ATP13A4: variants seen among roughly 807,000 people sequenced by gnomAD.
The protein encoded by ATP13A4 is ATPase 13A4.
Under a neutral mutation model 142.5 loss-of-function variants are expected in ATP13A4, and 114 were observed. The observed-to-expected ratio is 0.80, with a 90% CI of 0.69 to 0.93. The LOEUF is 0.93. Ranked by LOEUF, ATP13A4 falls within the 40% of genes least tolerant of loss-of-function variation. The pLI, the probability that ATP13A4 is intolerant of heterozygous loss-of-function variation, is 0.00. For missense variants in ATP13A4, 1,392 were observed against 1,454.0 expected (o/e 0.96, Z 0.69); for synonymous variants, 488 against 514.8 (o/e 0.95, Z 0.70).
Position 193,564,119 on chromosome 3 carries a change from C to T in ATP13A4, n.291+17588G>A, listed in dbSNP as rs878980836. 5.3e-5 allele frequency among the ~76,000 whole-genome samples: 8 copies of T among 152,328 alleles called. 1 individual carries two copies. The highest frequency in any genetic ancestry group is 5.2e-4 in the Admixed American group (8 of 15,292). ...CTCGAAGAGTATCAGCCTATCAGAA[C>T]AAGAGCATTCAGAAAAGGCCTGGCT... On this transcript the variant is annotated intron_variant and non_coding_transcript_variant, in intron 2 of 3. Coordinates refer to the ATP13A4 transcript ENST00000489140.
chr3:193,512,029 C>A lies in ATP13A4; in HGVS notation c.234+2669G>T, dbSNP rs929766571. Among the ~76,000 whole-genome samples the A allele has an allele frequency of 3.9e-5, 6 of 152,148 alleles. No homozygotes were observed. In the East Asian group the frequency reaches 1.2e-3, roughly 29 times the overall value. Reference sequence around the variant, plus strand: ...CCATTTCCTCTTATTCTTGTCTGTGCCATAACTCTGCCAGCACCTCAGAGA... The same window carrying A: ...CCATTTCCTCTTATTCTTGTCTGTGACATAACTCTGCCAGCACCTCAGAGA... On this transcript the variant is annotated intron_variant, in intron 2 of 29. Coordinates refer to ENST00000342695, the MANE Select transcript of ATP13A4 (RefSeq NM_032279.4).
rs761281024 is a variant in ATP13A4, at chr3:193,514,821, G to A, written c.111C>T (p.Ala37=). The A allele has an allele frequency of 7.2e-5, 116 of 1,614,184 alleles. No individual in the cohort carries two copies. The highest frequency in any genetic ancestry group is 4.5e-4 in the South Asian group (41 of 91,086). Residue 37 remains alanine, a synonymous_variant, in exon 2 of 30, where the codon GCC becomes GCT. Transcript: ENST00000342695. Reference sequence around the variant, plus strand: ...GGATTCCAAATGAGAAGATGGATCCGGCAAGGCAGAGACTTTTCCGGCAGC... The same window carrying A: ...GGATTCCAAATGAGAAGATGGATCCAGCAAGGCAGAGACTTTTCCGGCAGC... ...TQGCRKSLCL[A]GSIFSFGILP... is the part of the protein sequence containing the mutation.
At chr3:193,563,037 G>A (rs1221039137) in intron 2 of ATP13A4, among the ~76,000 whole-genome samples, 1 of 151,884 alleles carries the variant, frequency 6.6e-6, no homozygotes, top group East Asian at 1.9e-4. Flanking sequence ...ATTGTTGGAA[G>A]AACAAATAAG....
intron 25 of ATP13A4, among the ~76,000 whole-genome samples, chr3:193,417,656 A>T (rs1560173056): frequency 6.6e-6 from 1 of 152,228 alleles, no homozygotes; most frequent in South Asian, 2.1e-4. Context: ...ACTGCTTTCA[A>T]CAGTGTGCTG....
rs114052353 is a variant in ATP13A4 at position 193,589,482 on chromosome 3, T to C, written n.91+3539A>G. ...AACTTATGAAATCAATTTTAAACAT[T>C]TCCATTTCCATTAACATCTCTCATT... On this transcript the variant is annotated intron_variant and non_coding_transcript_variant, in intron 1 of 3. Transcript: ENST00000489140. 1.7e-3 allele frequency among the ~76,000 whole-genome samples: 258 copies of C among 152,350 alleles called. 1 individual carries two copies. Among genetic ancestry groups the C allele is most frequent in the African/African-American group, 6.1e-3 (253 of 41,580 alleles).
At chr3:193,512,149 C>T (rs753983811) in intron 2 of ATP13A4, among the ~76,000 whole-genome samples, 18 of 152,132 alleles carry the variant, frequency 1.2e-4, no homozygotes, top group Non-Finnish European at 2.1e-4. Flanking sequence ...GTAGCAAAAG[C>T]GTTACCCTCT....
chr3:193,526,938 C>A (rs540884955), intron 1 of ATP13A4, among the ~76,000 whole-genome samples: 1 of 151,856 alleles, frequency 6.6e-6, no homozygotes, highest in Non-Finnish European at 1.5e-5. Context: ...ATTTTTGTGG[C>A]ACTTCAAAAA....
chr3:193,451,443 G>A (rs1180774233), intron 17 of ATP13A4, among the ~76,000 whole-genome samples: 1 of 152,170 alleles, frequency 6.6e-6, no homozygotes, highest in African/African-American at 2.4e-5. Flanking sequence ...CTTGCTGTGT[G>A]AGCATGACTA....
At chr3:193,514,517 A>G (rs1477860460) in intron 2 of ATP13A4, among the ~76,000 whole-genome samples, 181 bp downstream of exon 2, 1 of 150,530 alleles carries the variant, frequency 6.6e-6, no homozygotes, top group Non-Finnish European at 1.5e-5. Context: ...TGTCTTTGCT[A>G]TTGACCATAC....
At chr3:193,413,337 T>C (rs201681939) in intron 26 of ATP13A4, among the ~76,000 whole-genome samples, 18 of 152,168 alleles carry the variant, frequency 1.2e-4, no homozygotes, top group Non-Finnish European at 2.4e-4. Flanking sequence ...AGGACCACTA[T>C]TGTACAAATT....
In ATP13A4 at chr3:193,402,842, G is replaced by A; in HGVS notation, c.3401C>T (p.Ala1134Val). ...ACATCTTTTAATCATCATCCACAGG[G>A]CTCGATTTTCAATAACAGCCTCCTG... ...VAEEAVIENR[A>V]LWMMIKRCFG... Residue 1134 changes from alanine (A) to valine (V), a missense_variant, in exon 30 of 30, where the codon GCC becomes GTC. Transcript: ENST00000342695. The A allele has an allele frequency of 3.1e-6, 5 of 1,614,008 alleles. No homozygotes were observed. Among genetic ancestry groups the A allele is most frequent in the Non-Finnish European group, 4.2e-6 (5 of 1,179,976 alleles).
intron 7 of ATP13A4, among the ~76,000 whole-genome samples, chr3:193,489,253 T>C (rs1208113524): frequency 6.6e-6 from 1 of 152,058 alleles, no homozygotes; most frequent in African/African-American, 2.4e-5. Flanking sequence ...CTGTTCTATG[T>C]AATTTTTTTT....
At chr3:193,574,217 T>C (rs1454546848) in intron 2 of ATP13A4, among the ~76,000 whole-genome samples, 2 of 152,246 alleles carry the variant, frequency 1.3e-5, no homozygotes, top group Non-Finnish European at 2.9e-5. Context: ...ACAGATAAGA[T>C]GTCTGCCTCC....
At chr3:193,502,170 T>A (rs79710441) in intron 3 of ATP13A4, among the ~76,000 whole-genome samples, 1 of 152,198 alleles carries the variant, frequency 6.6e-6, no homozygotes, top group Non-Finnish European at 1.5e-5. Flanking sequence ...AGAGCGAGTA[T>A]GTATTGAGCA....
chr3:193,488,979 G>A (rs546273260), intron 7 of ATP13A4, among the ~76,000 whole-genome samples: 16 of 152,258 alleles, frequency 1.1e-4, no homozygotes, highest in Non-Finnish European at 2.1e-4. Flanking sequence ...GGAGGGGGCT[G>A]CGGAGATGAG....
chr3:193,480,601 C>T (rs543542029), intron 8 of ATP13A4, among the ~76,000 whole-genome samples: 7 of 151,976 alleles, frequency 4.6e-5, no homozygotes, highest in East Asian at 3.9e-4. Context: ...CCTGCAAGAA[C>T]GGCCATAATC....
At chr3:193,403,656 G>A in intron 29 of ATP13A4, 1 of 678,494 alleles carries the variant, frequency 1.5e-6, no homozygotes, top group Non-Finnish European at 1.8e-6. Flanking sequence ...AAAACATTTT[G>A]CAATGCCATT....
Position 193,401,523 on chromosome 3 carries a change from T to C in ATP13A4, c.*1129A>G, listed in dbSNP as rs935642890. Among the ~76,000 whole-genome samples the C allele has an allele frequency of 1.3e-5, 2 of 152,094 alleles. No individual in the cohort carries two copies. The highest frequency in any genetic ancestry group is 4.8e-5 in the African/African-American group (2 of 41,410). ...AATTTCTGGAGTTGGCCATGTGACA[T>C]GAGAGATTCCTAAAACATAGGATAA... On this transcript the variant is annotated 3_prime_UTR_variant, in exon 30 of 30. Coordinates refer to ENST00000342695, the MANE Select transcript of ATP13A4 (RefSeq NM_032279.4).
intron 1 of ATP13A4, among the ~76,000 whole-genome samples, chr3:193,538,683 G>T (rs1054747325): frequency 6.6e-6 from 1 of 151,682 alleles, no homozygotes; most frequent in African/African-American, 2.4e-5. Context: ...TAAAGGAAAG[G>T]TTAATAATAA....
Sources: allele counts gnomAD v4.1 joint callset (sites outside exome capture counted in the v4.1 genomes callset), GRCh38; gene constraint gnomAD v4.1.1; transcripts MANE v1.5; gene names NCBI Gene and HGNC (gene_info 2026-07-23, HGNC 2026-07-21).